Variants in MAP4K4 observed in about 807,000 individuals in gnomAD.
MAP4K4 encodes the protein HPK/GCK-like kinase HGK.
In MAP4K4, 38 loss-of-function variants were observed where a neutral mutation model predicts 189.6. The ratio of observed to expected loss-of-function variants is 0.20; its 90% CI spans 0.15 to 0.26. The LOEUF (loss-of-function observed/expected upper bound fraction) is 0.26. Ranked by LOEUF, MAP4K4 falls within the 10% of genes least tolerant of loss-of-function variation. MAP4K4 has a pLI of 1.00. For synonymous variants in MAP4K4, 610 were observed against 624.3 expected (o/e 0.98, Z 0.34); for missense variants, 1,054 against 1,726.9 (o/e 0.61, Z 6.91).
Position 101,871,032 on chromosome 2 carries a change from G to C in MAP4K4, c.2761-462G>C, listed in dbSNP as rs540665633. 2.0e-5 allele frequency among the ~76,000 whole-genome samples: 3 copies of C among 152,196 alleles called. No individual in the cohort carries two copies. In the South Asian group the frequency reaches 6.2e-4, roughly 32 times the overall value. On this transcript the variant is annotated intron_variant, in intron 23 of 32. Transcript: ENST00000324219. ...AGCTTAGACTTAATTAAAGTGATAC[G>C]CTTCTCATTTAAATAGAACAGGGCA...
At chr2:101,791,828 C>G (rs1466898726) in intron 3 of MAP4K4, among the ~76,000 whole-genome samples, 1 of 152,172 alleles carries the variant, frequency 6.6e-6, no homozygotes, top group African/African-American at 2.4e-5. Flanking sequence ...TAGAGCCTTC[C>G]ATAAGTATTT....
chr2:101,873,273 T>G (rs116156405), intron 24 of MAP4K4, among the ~76,000 whole-genome samples: 24 of 152,348 alleles, frequency 1.6e-4, no homozygotes, highest in African/African-American at 5.5e-4. Context: ...GGAGAATAAA[T>G]TCAGAAGTTG....
chr2:101,812,903 G>T (rs1057259304), intron 3 of MAP4K4, among the ~76,000 whole-genome samples: 1 of 152,130 alleles, frequency 6.6e-6, no homozygotes, highest in South Asian at 2.1e-4. Context: ...CGAGGTGGGC[G>T]GATCACGAAG....
chr2:101,874,351 G>T (rs2098136629), intron 26 of MAP4K4, 99 bp downstream of exon 26: 2 of 1,076,662 alleles, frequency 1.9e-6, no homozygotes, highest in Non-Finnish European at 2.7e-6. Context: ...GGATAGACAG[G>T]ATGGAAGACT....
intron 2 of MAP4K4, among the ~76,000 whole-genome samples, chr2:101,783,342 A>G (rs2088792178): frequency 6.6e-6 from 1 of 152,154 alleles, no homozygotes; most frequent in African/African-American, 2.4e-5. Flanking sequence ...ACCTTCACAC[A>G]CCAAACCCCC....
intron 27 of MAP4K4, among the ~76,000 whole-genome samples, chr2:101,877,626 C>T (rs1300658900): frequency 6.6e-6 from 1 of 151,904 alleles, no homozygotes; most frequent in African/African-American, 2.4e-5. Context: ...CAGGCAAGTG[C>T]CACCAAGCCC....
At chr2:101,846,991 T>A (rs573937869) in intron 12 of MAP4K4, among the ~76,000 whole-genome samples, 1 of 152,352 alleles carries the variant, frequency 6.6e-6, no homozygotes, top group South Asian at 2.1e-4. Context: ...AGTGGCCTAC[T>A]ATTTGCATAT....
intron 2 of MAP4K4, among the ~76,000 whole-genome samples, chr2:101,787,166 T>C (rs1008900407): frequency 2.6e-5 from 4 of 152,178 alleles, no homozygotes; most frequent in African/African-American, 9.7e-5. Context: ...AGTTAGGTGT[T>C]TGAGTGACCC....
At chr2:101,831,576 C>T (rs1461598267) in intron 6 of MAP4K4, 145 bp from the exon 7 acceptor site, 13 of 851,452 alleles carry the variant, frequency 1.5e-5, no homozygotes, top group Non-Finnish European at 2.1e-5. Context: ...ACCAGTGGTG[C>T]CTGCCTTGAG....
At chr2:101,814,847 G>A (rs1052353345) in intron 3 of MAP4K4, among the ~76,000 whole-genome samples, 7 of 152,284 alleles carry the variant, frequency 4.6e-5, no homozygotes, top group South Asian at 2.1e-4. Context: ...CTTAAGAAGC[G>A]AAAGTGGAGG....
intron 2 of MAP4K4, among the ~76,000 whole-genome samples, chr2:101,757,563 A>G (rs191369163): frequency 6.6e-6 from 1 of 152,328 alleles, no homozygotes; most frequent in Admixed American, 6.5e-5. Flanking sequence ...TTTTAAAAAT[A>G]ACACAGTCCC....
chr2:101,783,149 A>C lies in MAP4K4; in HGVS notation c.124-7571A>C, dbSNP rs1213509350. Among the ~76,000 whole-genome samples, 6 of 152,328 alleles carry C rather than the reference A, an allele frequency of 3.9e-5. No homozygotes were observed. In the East Asian group the frequency reaches 9.6e-4, roughly 24 times the overall value. On this transcript the variant is annotated intron_variant, in intron 2 of 32. Transcript: ENST00000324219. ...AGAATGGACAGACCAGGTTTGGCTT[A>C]GCTACTAGTTGAGTGTCCTTCTAGC...
chr2:101,871,676 T>C (rs574953000), exon 24 of MAP4K4: 1 of 1,536,452 alleles, frequency 6.5e-7, no homozygotes, highest in Non-Finnish European at 8.7e-7. Flanking sequence ...ACAAGCTCAC[T>C]GCTAATGAGG....
Position 101,879,777 on chromosome 2 carries a change from T to C in MAP4K4, c.3385+2631T>C, listed in dbSNP as rs188070710. On this transcript the variant is annotated intron_variant, in intron 27 of 32. Coordinates refer to ENST00000324219, the Ensembl canonical transcript of MAP4K4. ...ACATGTTAGGTTGATTTTGCCTTCATTGAACTGATTTTATATAATGGTAAA... is the reference window on the plus strand; with the variant it reads ...ACATGTTAGGTTGATTTTGCCTTCACTGAACTGATTTTATATAATGGTAAA... Among the ~76,000 whole-genome samples, 3 of 151,656 alleles carry C rather than the reference T, an allele frequency of 2.0e-5. No homozygotes were observed. The East Asian group carries it at 5.8e-4, about 29-fold the overall frequency.
chr2:101,869,758 C>T (rs1368986299), exon 22 of MAP4K4: 1 of 1,585,150 alleles, frequency 6.3e-7, no homozygotes, highest in Non-Finnish European at 8.6e-7. Context: ...CAGGAAGGGG[C>T]TGACGAGTCC....
In MAP4K4 at chr2:101,698,555, T is replaced by A. The variant is rs1383465413; in HGVS notation, c.123+17T>A. 31 of 1,611,454 alleles carry A rather than the reference T, an allele frequency of 1.9e-5. No individual in the cohort carries two copies. Among genetic ancestry groups the A allele is most frequent in the Non-Finnish European group, 2.6e-5 (31 of 1,178,132 alleles). The stretch of plus-strand genomic sequence containing the variant: ...GTCTATAAGGTCGGTGTGGGCGCCT[T>A]CTTTGTTTCCCGTGGCATGTGGAAA... On this transcript the variant is annotated intron_variant, in intron 2 of 32. Coordinates refer to ENST00000324219, the Ensembl canonical transcript of MAP4K4.
chr2:101,728,617 C>T (rs150945391), intron 2 of MAP4K4, among the ~76,000 whole-genome samples: 36 of 152,236 alleles, frequency 2.4e-4, no homozygotes, highest in Non-Finnish European at 2.9e-4. Context: ...CTCACAGGTT[C>T]GAGCAGTTCT....
At chr2:101,812,107 G>T (rs2095466377) in intron 3 of MAP4K4, among the ~76,000 whole-genome samples, 1 of 152,078 alleles carries the variant, frequency 6.6e-6, no homozygotes, top group African/African-American at 2.4e-5. Flanking sequence ...CAGAAATTTA[G>T]TTCCCTCATT....
chr2:101,703,940 A>G (rs948368409), intron 2 of MAP4K4, among the ~76,000 whole-genome samples: 1 of 152,052 alleles, frequency 6.6e-6, no homozygotes, highest in Non-Finnish European at 1.5e-5. Context: ...GAACTTCCCC[A>G]GGAGGTGGAG....
Sources: allele counts gnomAD v4.1 joint callset (sites outside exome capture counted in the v4.1 genomes callset), GRCh38; gene constraint gnomAD v4.1.1; transcripts MANE v1.5; gene names NCBI Gene and HGNC (gene_info 2026-07-23, HGNC 2026-07-21).